The following PTPRM variants were observed in gnomAD, a reference collection of about 807,000 sequenced individuals.
PTPRM encodes receptor-type tyrosine-protein phosphatase mu.
A neutral mutation model predicts 186.7 loss-of-function variants in PTPRM; 47 were observed. The observed-to-expected ratio is 0.25, with a 90% CI of 0.20 to 0.32. PTPRM has a LOEUF of 0.32. Among genes scored for constraint, PTPRM ranks in the 10% least tolerant of loss-of-function variants. The pLI is 1.00. For synonymous variants in PTPRM, 668 were observed against 674.9 expected (o/e 0.99, Z 0.16); for missense variants, 1,494 against 1,865.0 (o/e 0.80, Z 3.66).
intron 2 of PTPRM, among the ~76,000 whole-genome samples, chr18:7,845,416 C>T (rs1294185466): frequency 6.6e-6 from 1 of 152,068 alleles, no homozygotes; most frequent in Non-Finnish European, 1.5e-5. Flanking sequence ...TGTTCAGTCA[C>T]TTTTTTTGTG....
chr18:8,003,674 C>T (rs759802065), intron 7 of PTPRM, among the ~76,000 whole-genome samples: 1 of 152,164 alleles, frequency 6.6e-6, no homozygotes, highest in Non-Finnish European at 1.5e-5. Context: ...AAACTAAATT[C>T]TGGGAGTTAA....
intron 7 of PTPRM, among the ~76,000 whole-genome samples, chr18:8,013,656 G>A (rs1467563669): frequency 6.6e-6 from 1 of 152,130 alleles, no homozygotes; most frequent in African/African-American, 2.4e-5. Context: ...TTGTTCAAGG[G>A]TCAGCTGCAC....
chr18:7,932,551 A>G (rs1173177221), intron 5 of PTPRM, among the ~76,000 whole-genome samples: 1 of 152,154 alleles, frequency 6.6e-6, no homozygotes, highest in African/African-American at 2.4e-5. Context: ...ATACTTACGT[A>G]TAAGTATTGT....
At position 7,992,602 on chromosome 18, in the gene PTPRM, C is replaced by T. The variant is rs148668284; in HGVS notation, c.1132+37188C>T. On this transcript the variant is annotated intron_variant, in intron 7 of 32. Coordinates refer to ENST00000580170, the MANE Select transcript of PTPRM (RefSeq NM_001105244.2). ...TTTGTAGTTTATTTGAGAAACAAAA[C>T]GTTAACACACAGAAAACTGGTAGTA... Among the ~76,000 whole-genome samples, 1,252 of 152,156 alleles carry T rather than the reference C, an allele frequency of 8.2e-3. 7 individuals carry two copies. The highest frequency in any genetic ancestry group is 0.034 in the South Asian group (164 of 4,822).
intron 7 of PTPRM, among the ~76,000 whole-genome samples, chr18:8,068,236 G>A (rs1600376126): frequency 1.3e-5 from 2 of 152,130 alleles, no homozygotes; most frequent in East Asian, 3.9e-4. Context: ...CAAGTTTATT[G>A]TCCCTTCTCA....
intron 19 of PTPRM, among the ~76,000 whole-genome samples, chr18:8,288,339 G>A (rs746919191): frequency 9.2e-5 from 14 of 152,328 alleles, no homozygotes; most frequent in Non-Finnish European, 1.8e-4. Flanking sequence ...ACCCAGCCTC[G>A]AGAAGACATT....
chr18:8,261,218 A>C (rs555108698), intron 19 of PTPRM, among the ~76,000 whole-genome samples: 4 of 152,318 alleles, frequency 2.6e-5, no homozygotes, highest in South Asian at 2.1e-4. Context: ...CAAACAAAAC[A>C]AAACCAAACC....
At chr18:8,240,777 G>GGAGGGAGAGAGAGAGAGAGA (rs2094420075) in intron 14 of PTPRM, among the ~76,000 whole-genome samples, 14 of 57,346 alleles carry the variant, frequency 2.4e-4, no homozygotes, top group African/African-American at 3.1e-4. Flanking sequence ...AGAGAGAGAG[G>GGAGGGAGAGAGAGAGAGAGA]GAGAGAGAGA....
chr18:7,690,140 A>G (rs564424844), intron 1 of PTPRM, among the ~76,000 whole-genome samples: 66 of 152,338 alleles, frequency 4.3e-4, no homozygotes, highest in African/African-American at 1.4e-3. Flanking sequence ...GATGATCTGT[A>G]TATCATCAAA....
chr18:7,863,214 TC>T (rs1180136041), intron 2 of PTPRM, among the ~76,000 whole-genome samples: 1 of 152,234 alleles, frequency 6.6e-6, no homozygotes, highest in East Asian at 1.9e-4. Context: ...AAAAATTTTT[TC>T]ATTATACTTT....
intron 7 of PTPRM, among the ~76,000 whole-genome samples, chr18:8,021,556 TC>T (rs2085239006): frequency 6.6e-6 from 1 of 152,062 alleles, no homozygotes; most frequent in African/African-American, 2.4e-5. Context: ...TGTGTGTTGT[TC>T]CCCTCCCTGT....
At chr18:8,320,751 GTTA>G (rs1347591604) in intron 22 of PTPRM, among the ~76,000 whole-genome samples, 4 of 152,104 alleles carry the variant, frequency 2.6e-5, no homozygotes, top group Non-Finnish European at 5.9e-5. Context: ...TCACCACTAG[GTTA>G]CTCTGCACTC....
intron 5 of PTPRM, among the ~76,000 whole-genome samples, chr18:7,938,736 A>G (rs1440828260): frequency 6.6e-6 from 1 of 152,246 alleles, no homozygotes; most frequent in African/African-American, 2.4e-5. Context: ...AAAATGAACT[A>G]TGTCTAAATA....
chr18:8,022,488 C>A (rs1464701662), intron 7 of PTPRM, among the ~76,000 whole-genome samples: 1 of 152,188 alleles, frequency 6.6e-6, no homozygotes, highest in Non-Finnish European at 1.5e-5. Context: ...CTTATCATTT[C>A]ATAGCTCCTG....
At chr18:7,590,498 G>T (rs890391516) in intron 1 of PTPRM, among the ~76,000 whole-genome samples, 1 of 152,180 alleles carries the variant, frequency 6.6e-6, no homozygotes, top group Non-Finnish European at 1.5e-5. Context: ...GAGGAAATAA[G>T]AGTGGATATA....
intron 14 of PTPRM, among the ~76,000 whole-genome samples, chr18:8,198,293 G>A (rs181368906): frequency 3.3e-5 from 5 of 152,030 alleles, no homozygotes; most frequent in African/African-American, 4.8e-5. Flanking sequence ...ACCTACAGAC[G>A]TGTACCACTA....
At chr18:8,203,056 C>T (rs756129943) in intron 14 of PTPRM, among the ~76,000 whole-genome samples, 1 of 152,074 alleles carries the variant, frequency 6.6e-6, no homozygotes, top group Non-Finnish European at 1.5e-5. Context: ...TTGGTTACGG[C>T]GAATCAAACT....
chr18:8,298,487 A>G lies in PTPRM; in HGVS notation c.2842+2032A>G, dbSNP rs115089331. On this transcript the variant is annotated intron_variant, in intron 20 of 32. Coordinates refer to ENST00000580170, the MANE Select transcript of PTPRM (RefSeq NM_001105244.2). ...GAGAGATCCAGCTAGCCTTTCTCCA[A>G]TACAACATTGAGTCTGCTTCTTCCC... Among the ~76,000 whole-genome samples, 1,166 of 152,306 alleles carry G rather than the reference A, an allele frequency of 7.7e-3. 14 individuals carry two copies. Among genetic ancestry groups the G allele is most frequent in the African/African-American group, 0.027 (1,111 of 41,576 alleles).
In PTPRM at chr18:7,886,764, G is replaced by A. The variant is rs2048807978; in HGVS notation, c.197-1342G>A. Among the ~76,000 whole-genome samples the A allele has an allele frequency of 1.3e-5, 2 of 152,124 alleles. 1 individual carries two copies. Among genetic ancestry groups the A allele is most frequent in the South Asian group, 4.1e-4 (2 of 4,830 alleles). On this transcript the variant is annotated intron_variant, in intron 2 of 32. Coordinates refer to ENST00000580170, the MANE Select transcript of PTPRM (RefSeq NM_001105244.2). ...GGTGTTAAACCTGGCTCACCTCATAGCTGTAAAGGTAGCAACCATAAGAAA... is the reference window on the plus strand; with the variant it reads ...GGTGTTAAACCTGGCTCACCTCATAACTGTAAAGGTAGCAACCATAAGAAA...
Sources: gnomAD v4.1 joint callset for allele counts (sites outside exome capture counted in the v4.1 genomes callset) on GRCh38, gnomAD v4.1.1 for gene constraint, MANE v1.5 for transcripts, NCBI Gene and HGNC (gene_info 2026-07-23, HGNC 2026-07-21) for gene names.